The following SLCO5A1 variants were observed in gnomAD, a reference collection of about 807,000 sequenced individuals.
SLCO5A1 encodes organic anion transporter polypeptide-related protein 4.
SLCO5A1 carries 39 observed loss-of-function variants against 65.1 expected under a neutral mutation model. The observed-to-expected ratio is 0.60, with a 90% CI of 0.46 to 0.78. The LOEUF (loss-of-function observed/expected upper bound fraction) is 0.78. SLCO5A1 is among the 30% of genes least tolerant of loss of function. SLCO5A1 has a pLI of 0.00. For missense variants in SLCO5A1, 1,029 were observed against 1,069.4 expected (o/e 0.96, Z 0.53); for synonymous variants, 438 against 415.7 (o/e 1.05, Z -0.65).
intron 2 of SLCO5A1, among the ~76,000 whole-genome samples, chr8:69,827,241 T>C (rs1449888452): frequency 6.6e-6 from 1 of 151,874 alleles, no homozygotes; most frequent in Non-Finnish European, 1.5e-5. Flanking sequence ...GGCACATGTA[T>C]ACATATGTAA....
Position 69,680,677 on chromosome 8 carries a change from C to T in SLCO5A1, c.1783-1058G>A, listed in dbSNP as rs1161082784. Among the ~76,000 whole-genome samples the T allele has an allele frequency of 2.0e-5, 3 of 152,250 alleles. No homozygotes were observed. In the East Asian group the frequency reaches 5.8e-4, roughly 29 times the overall value. ...GAATGAGATTGCTGGGTTGAGTGGT[C>T]GTTTTAAGTTCTTTGAGAAATCTCC... On this transcript the variant is annotated intron_variant, in intron 7 of 9. Transcript: ENST00000260126.
intron 5 of SLCO5A1, among the ~76,000 whole-genome samples, chr8:69,731,374 C>T (rs1252991146): frequency 1.3e-5 from 2 of 152,240 alleles, no homozygotes; most frequent in Non-Finnish European, 2.9e-5. Flanking sequence ...ATCATCTTTA[C>T]TTTAATGCTG....
intron 3 of SLCO5A1, among the ~76,000 whole-genome samples, chr8:69,757,791 T>TTACCC: frequency 1.4e-3 from 1 of 704 alleles, no homozygotes; most frequent in Non-Finnish European, 2.8e-3. Context: ...CATCAGGCAC[T>TTACCC]ATCAGGCACT....
intron 5 of SLCO5A1, among the ~76,000 whole-genome samples, chr8:69,729,141 G>T (rs377252904): frequency 6.6e-6 from 1 of 152,130 alleles, no homozygotes; most frequent in Non-Finnish European, 1.5e-5. Flanking sequence ...GGCAACTGGA[G>T]CATCAAAAAG....
intron 2 of SLCO5A1, among the ~76,000 whole-genome samples, chr8:69,790,791 A>G (rs915994353): frequency 5.3e-5 from 8 of 152,232 alleles, no homozygotes; most frequent in African/African-American, 1.9e-4. Context: ...GAAGGTGAAG[A>G]TCAGCAGTCA....
chr8:69,791,245 G>A (rs756883329), intron 2 of SLCO5A1, among the ~76,000 whole-genome samples: 25 of 152,146 alleles, frequency 1.6e-4, no homozygotes, highest in Non-Finnish European at 3.7e-4. Context: ...GGGTGTTCTA[G>A]GGTACATTTC....
At chr8:69,813,883 G>A (rs1199004537) in intron 2 of SLCO5A1, among the ~76,000 whole-genome samples, 3 of 152,134 alleles carry the variant, frequency 2.0e-5, no homozygotes, top group East Asian at 1.9e-4. Flanking sequence ...TCTTTGTAAC[G>A]CCAGTGGTTA....
chr8:69,801,461 T>G (rs1819734020), intron 2 of SLCO5A1, among the ~76,000 whole-genome samples: 1 of 152,246 alleles, frequency 6.6e-6, no homozygotes, highest in African/African-American at 2.4e-5. Flanking sequence ...ACTGTTTGTA[T>G]TCAAATCAAC....
intron 4 of SLCO5A1, among the ~76,000 whole-genome samples, chr8:69,752,329 A>G (rs1362792635): frequency 6.6e-6 from 1 of 152,194 alleles, no homozygotes; most frequent in Non-Finnish European, 1.5e-5. Context: ...TCAAACTCAG[A>G]TTTAACTCAA....
chr8:69,778,168 G>A (rs1051949370), intron 2 of SLCO5A1, among the ~76,000 whole-genome samples: 3 of 151,838 alleles, frequency 2.0e-5, no homozygotes, highest in African/African-American at 7.3e-5. Context: ...ATGCATCAAG[G>A]GTTCGGGGGT....
At position 69,783,706 on chromosome 8, in the gene SLCO5A1, T is replaced by C. The variant is rs564730547; in HGVS notation, c.908-21831A>G. The stretch of plus-strand genomic sequence containing the variant: ...TAATCATTAATCAATCAGTAGTTAT[T>C]TGGTGAAGTTATACTTTTAAAATAT... On this transcript the variant is annotated intron_variant, in intron 2 of 9. Transcript: ENST00000260126. 6.6e-5 allele frequency among the ~76,000 whole-genome samples: 10 copies of C among 152,206 alleles called. No individual in the cohort carries two copies. The East Asian group carries it at 1.9e-3, about 29-fold the overall frequency.
intron 3 of SLCO5A1, 71 bp from the exon 4 acceptor site, chr8:69,755,712 G>C: frequency 7.2e-7 from 1 of 1,391,138 alleles, no homozygotes; most frequent in Non-Finnish European, 9.7e-7. Context: ...TAGTAAAGCA[G>C]AAGTTTGTGG....
In SLCO5A1 at chr8:69,797,623, T is replaced by TGGGG. The variant is rs530023279; in HGVS notation, c.907+34143_907+34144insCCCC. Among the ~76,000 whole-genome samples, 117 of 152,202 alleles carry TGGGG rather than the reference T, an allele frequency of 7.7e-4. 1 individual carries two copies. The highest frequency in any genetic ancestry group is 2.8e-3 in the African/African-American group (115 of 41,430). On this transcript the variant is annotated intron_variant, in intron 2 of 9. Transcript: ENST00000260126. ...GCAGGCCTCTAAAATGGCCACTTCG[T>TGGGG]GGCGGGGGGTGGCCGTCTTTTATGG...
At chr8:69,745,820 C>T (rs756136970) in intron 4 of SLCO5A1, among the ~76,000 whole-genome samples, 1 of 152,154 alleles carries the variant, frequency 6.6e-6, no homozygotes, top group Non-Finnish European at 1.5e-5. Context: ...GCAACCACCA[C>T]ATCTATCTAG....
chr8:69,722,446 C>A lies in SLCO5A1; in HGVS notation c.1423+15594G>T, dbSNP rs1021818298. On this transcript the variant is annotated intron_variant, in intron 5 of 9. Coordinates refer to ENST00000260126, the MANE Select transcript of SLCO5A1 (RefSeq NM_030958.3). The stretch of plus-strand genomic sequence containing the variant: ...AATAAATATGTGGAGTACTTCAAGT[C>A]TTGAAGTACTTACACTTAATATTAT... Among the ~76,000 whole-genome samples, 3 of 152,138 alleles carry A rather than the reference C, an allele frequency of 2.0e-5. No individual in the cohort carries two copies. In the East Asian group the frequency reaches 5.8e-4, roughly 29 times the overall value.
intron 2 of SLCO5A1, among the ~76,000 whole-genome samples, chr8:69,788,999 T>G (rs757679924): frequency 1.6e-4 from 24 of 152,328 alleles, no homozygotes; most frequent in Admixed American, 2.6e-4. Context: ...CTGTGCTGAT[T>G]CTTCTAAATA....
chr8:69,830,978 A>C (rs1314830162), intron 2 of SLCO5A1, among the ~76,000 whole-genome samples: 1 of 152,152 alleles, frequency 6.6e-6, no homozygotes, highest in African/African-American at 2.4e-5. Context: ...TGTTGTTTTT[A>C]GATAGTGGTG....
intron 5 of SLCO5A1, among the ~76,000 whole-genome samples, chr8:69,710,743 C>A (rs753187084): frequency 6.6e-6 from 1 of 152,166 alleles, no homozygotes; most frequent in Non-Finnish European, 1.5e-5. Context: ...TCCTAATTAG[C>A]ATTAGGCTCT....
chr8:69,803,975 C>G (rs147985170), intron 2 of SLCO5A1, among the ~76,000 whole-genome samples: 4,655 of 152,146 alleles, frequency 0.031, 112 homozygotes, highest in South Asian at 0.05. Flanking sequence ...TTCCACACCC[C>G]CTTCCTCACC....
Sources: allele counts gnomAD v4.1 joint callset (sites outside exome capture counted in the v4.1 genomes callset), GRCh38; gene constraint gnomAD v4.1.1; transcripts MANE v1.5; gene names NCBI Gene and HGNC (gene_info 2026-07-23, HGNC 2026-07-21).